The following INTS3 variants were observed in gnomAD, a reference collection of about 807,000 sequenced individuals.
INTS3 encodes SOSS complex subunit A.
INTS3 carries 34 observed loss-of-function variants against 146.3 expected under a neutral mutation model. The ratio of observed to expected loss-of-function variants is 0.23; its 90% CI spans 0.18 to 0.31. INTS3 has a LOEUF of 0.31. INTS3 is among the 10% of genes least tolerant of loss of function. INTS3 has a pLI of 1.00. For missense variants in INTS3, 757 were observed against 1,304.2 expected (o/e 0.58, Z 6.46); for synonymous variants, 475 against 494.9 (o/e 0.96, Z 0.53).
At chr1:153,762,618 G>A in intron 14 of INTS3, 110 bp from the exon 15 acceptor site, 1 of 1,347,844 alleles carries the variant, frequency 7.4e-7, no homozygotes, top group Non-Finnish European at 1.0e-6. Context: ...CCATTTAGAT[G>A]ATAAACTCCT....
chr1:153,746,548 C>A (rs1671746247), intron 3 of INTS3, among the ~76,000 whole-genome samples: 1 of 152,204 alleles, frequency 6.6e-6, no homozygotes, highest in Non-Finnish European at 1.5e-5. Context: ...CTACAGGTGC[C>A]CGCCACCGTG....
intron 1 of INTS3, among the ~76,000 whole-genome samples, chr1:153,731,599 T>TTTTA (rs1671063411): frequency 1.4e-5 from 2 of 147,756 alleles, no homozygotes; most frequent in Admixed American, 6.8e-5. Flanking sequence ...TTTTTTTTTT[T>TTTTA]TGAGATGGAG....
rs531588523 is a variant in INTS3 at position 153,766,168 on chromosome 1, C to T, written c.2090+1105C>T. Among the ~76,000 whole-genome samples the T allele has an allele frequency of 1.5e-3, 196 of 133,842 alleles. 1 individual carries two copies. Among genetic ancestry groups the T allele is most frequent in the African/African-American group, 5.6e-3 (189 of 33,866 alleles). The allele number at this position is 133,842 out of a possible 152,430, so 87.8% of individuals were successfully genotyped here. ...ACAGAGTCTCGCTGTGTCGCCCAGG[C>T]TGGAGTACAGTGGTGCGATCTTGGC... On this transcript the variant is annotated intron_variant, in intron 20 of 29. Transcript: ENST00000318967.
chr1:153,739,926 GA>G (rs1671459195), intron 1 of INTS3, among the ~76,000 whole-genome samples: 1 of 145,674 alleles, frequency 6.9e-6, no homozygotes, highest in South Asian at 2.2e-4. Flanking sequence ...TCCTCCTCCT[GA>G]GTAGCTGGGA....
At chr1:153,759,769 A>G in intron 11 of INTS3, 156 bp downstream of exon 11, 1 of 621,708 alleles carries the variant, frequency 1.6e-6, no homozygotes, top group Non-Finnish European at 2.9e-6. Context: ...CCCTTGACCT[A>G]GAAAGAGAAT....
rs1210885163 is a variant in INTS3 at position 153,770,325 on chromosome 1, T to C, written c.2503+14T>C. ...TCAAATACAAGGGTGAGTAGGCTTT[T>C]GGGTAGGGAGCACATCAGATATGAC... On this transcript the variant is annotated intron_variant, in intron 24 of 29. Coordinates refer to ENST00000318967, the MANE Select transcript of INTS3 (RefSeq NM_023015.5). The C allele has an allele frequency of 6.8e-7, 1 of 1,476,456 alleles. No homozygotes were observed. The highest frequency in any genetic ancestry group is 9.5e-7 in the Non-Finnish European group (1 of 1,054,498). 91.5% of individuals were successfully genotyped at this position (1,476,456 alleles called of 1,614,324 possible).
intron 3 of INTS3, among the ~76,000 whole-genome samples, chr1:153,744,038 C>CGTGTGTGTGT (rs200825280): frequency 1.3e-3 from 178 of 142,342 alleles, no homozygotes; most frequent in African/African-American, 4.3e-3. Context: ...TGTGCATGTG[C>CGTGTGTGTGT]GTGTGTGTGT....
rs766946253 is a variant in INTS3, at chr1:153,762,783, T to A, written c.1572T>A (p.Asp524Glu). 1.2e-6 allele frequency: 2 copies of A among 1,613,222 alleles called. No homozygotes were observed. The highest frequency in any genetic ancestry group is 3.3e-5 in the Admixed American group (2 of 59,990). The change falls in exon 15 of 30, where the codon GAT becomes GAA. Residue 524 changes from aspartate (D) to glutamate (E), a missense_variant. By Grantham distance (45) the Asp-to-Glu change is conservative. Around this residue, in one of 8 missense-constraint regions of INTS3, gnomAD observed 97 missense variants for 113.6 expected, o/e 0.85. Transcript: ENST00000318967. ...MEMDNHMSDK[D>E]ESCYDNAEAA... ...TGGACAACCATATGTCGGATAAGGA[T>A]GAGAGTTGCTATGACAATGCAGAGG...
chr1:153,769,717 C>A, intron 22 of INTS3, 52 bp from the exon 23 acceptor site: 2 of 1,260,788 alleles, frequency 1.6e-6, no homozygotes, highest in Non-Finnish European at 1.2e-6. Context: ...ATACTAGCTT[C>A]CTGGCCCCTT....
intron 1 of INTS3, among the ~76,000 whole-genome samples, chr1:153,730,098 T>C (rs528900951): frequency 6.4e-4 from 97 of 152,234 alleles, no homozygotes; most frequent in Admixed American, 1.4e-3. Context: ...AGATACAAGA[T>C]GGTAGAACAT....
Position 153,773,933 on chromosome 1 carries a change from G to A in INTS3, c.*663G>A, listed in dbSNP as rs1673021133. On this transcript the variant is annotated 3_prime_UTR_variant, in exon 30 of 30. Coordinates refer to ENST00000318967, the MANE Select transcript of INTS3 (RefSeq NM_023015.5). The stretch of plus-strand genomic sequence containing the variant: ...CTCAATCTACACCAGAGCCCAGGGA[G>A]TCCCAGAGGCAAGTTTCACAGAATT... 2 of 166,888 alleles carry A rather than the reference G, an allele frequency of 1.2e-5. No homozygotes were observed. Among genetic ancestry groups the A allele is most frequent in the African/African-American group, 4.8e-5 (2 of 41,380 alleles). 10.3% of individuals were successfully genotyped at this position (166,888 alleles called of 1,614,324 possible).
At chr1:153,762,880 G>A (rs770719627) in intron 15 of INTS3, 33 bp downstream of exon 15, 4 of 1,612,388 alleles carry the variant, frequency 2.5e-6, no homozygotes, top group Non-Finnish European at 1.7e-6. Flanking sequence ...GTTCAGGGTT[G>A]TGTCAGCCCT....
chr1:153,754,483 G>T (rs1010120064), intron 8 of INTS3, among the ~76,000 whole-genome samples, 159 bp from the exon 9 acceptor site: 3 of 152,162 alleles, frequency 2.0e-5, no homozygotes, highest in African/African-American at 7.2e-5. Flanking sequence ...GTGCTGGTTG[G>T]AATCCCCACC....
chr1:153,767,231 T>G, intron 20 of INTS3: 1 of 157,720 alleles, frequency 6.3e-6, no homozygotes, highest in African/African-American at 2.4e-5. Flanking sequence ...GTCATGAAGA[T>G]TTACTCCTGT....
rs1284200192 is a variant in INTS3, at chr1:153,771,955, G to A, written c.2712G>A (p.Lys904=). The change falls in exon 26 of 30, where the codon AAG becomes AAA. Residue 904 remains lysine, a synonymous_variant. Transcript: ENST00000318967. The part of the protein sequence containing the change: ...LLIKNNSLPR[K]RQSLRSSSSK... The stretch of plus-strand genomic sequence containing the variant: ...TCAAGAACAACAGCCTGCCTCGCAA[G>A]AGACAGAGGTGGGACACGGTCCCTG... The A allele has an allele frequency of 5.6e-6, 9 of 1,613,128 alleles. No individual in the cohort carries two copies. Among genetic ancestry groups the A allele is most frequent in the South Asian group, 1.1e-5 (1 of 90,966 alleles).
At chr1:153,742,476 C>CTT (rs1161319800) in intron 3 of INTS3, among the ~76,000 whole-genome samples, 1 of 60,250 alleles carries the variant, frequency 1.7e-5, no homozygotes, top group Admixed American at 2.1e-4. Flanking sequence ...GTTTTTTAAT[C>CTT]TCTGTGTGTG....
chr1:153,760,373 C>T lies in INTS3; in HGVS notation c.1300C>T (p.Leu434=). 6.2e-7 allele frequency: 1 copy of T among 1,613,908 alleles called. No homozygotes were observed. The highest frequency in any genetic ancestry group is 1.1e-5 in the South Asian group (1 of 91,056). ...KPHPAITATL[L]DFMCRIIPNF... ...CCACCCAGCCATCACTGCCACACTCCTGGACTTCATGTGCCGCGTAAGTGT... is the reference window on the plus strand; with the variant it reads ...CCACCCAGCCATCACTGCCACACTCTTGGACTTCATGTGCCGCGTAAGTGT... Residue 434 remains leucine, a synonymous_variant, in exon 12 of 30, where the codon CTG becomes TTG. Coordinates refer to ENST00000318967, the MANE Select transcript of INTS3 (RefSeq NM_023015.5).
chr1:153,741,463 C>T (rs1324862141), intron 3 of INTS3, 95 bp downstream of exon 3: 8 of 908,596 alleles, frequency 8.8e-6, no homozygotes, highest in Non-Finnish European at 1.5e-5. Context: ...TGAAACTCTT[C>T]GACCAGAGCT....
At chr1:153,759,663 CA>C in intron 11 of INTS3, 50 bp downstream of exon 11, 1 of 1,169,012 alleles carries the variant, frequency 8.6e-7, no homozygotes. Flanking sequence ...CCTAAGCCCC[CA>C]CTGCCTTCCT....
Sources: allele counts gnomAD v4.1 joint callset (sites outside exome capture counted in the v4.1 genomes callset), GRCh38; gene constraint gnomAD v4.1.1; regional missense constraint gnomAD v4.1.1; transcripts MANE v1.5; gene names NCBI Gene and HGNC (gene_info 2026-07-23, HGNC 2026-07-21).